The following TSHR variants were observed in gnomAD, a reference collection of about 807,000 sequenced individuals.
The protein encoded by TSHR is thyroid stimulating hormone receptor.
TSHR carries 51 observed loss-of-function variants against 64.1 expected under a neutral mutation model. That is an observed-to-expected ratio of 0.80 (90% CI 0.64 to 1.01). The LOEUF (loss-of-function observed/expected upper bound fraction) is 1.01, where lower values mean the gene tolerates loss of function less well. TSHR is among the 50% of genes least tolerant of loss of function. The pLI, the probability that TSHR is intolerant of heterozygous loss-of-function variation, is 0.00. For missense variants in TSHR, 877 were observed against 942.8 expected (o/e 0.93, Z 0.91); for synonymous variants, 361 against 361.9 (o/e 1.00, Z 0.03).
Position 81,091,151 on chromosome 14 carries a change from T to C in TSHR, c.467+8T>C. ...TGATATATTCTTTATACTGTAAGTATGCACACATGCCATGTTTGACAATAT... is the reference window on the plus strand; with the variant it reads ...TGATATATTCTTTATACTGTAAGTACGCACACATGCCATGTTTGACAATAT... On this transcript the variant is annotated splice_region_variant and intron_variant, in intron 5 of 9. Transcript: ENST00000298171. The C allele has an allele frequency of 6.2e-7, 1 of 1,607,914 alleles. No individual in the cohort carries two copies.
chr14:81,134,921 C>T (rs756765127), intron 8 of TSHR, among the ~76,000 whole-genome samples: 2 of 152,006 alleles, frequency 1.3e-5, no homozygotes, highest in Non-Finnish European at 2.9e-5. Context: ...AAATGTCACA[C>T]CAGGGATAAA....
chr14:81,001,507 C>G (rs1355704570), intron 1 of TSHR: 1 of 518,854 alleles, frequency 1.9e-6, no homozygotes, highest in African/African-American at 2.0e-5. Flanking sequence ...GCATTTCTCT[C>G]AGCATTTATA....
At chr14:80,973,576 C>A (rs1887711340) in intron 1 of TSHR, among the ~76,000 whole-genome samples, 1 of 151,994 alleles carries the variant, frequency 6.6e-6, no homozygotes, top group African/African-American at 2.4e-5. Context: ...GATCTCATGG[C>A]AATCTTAGGC....
At chr14:81,015,871 C>A (rs528904960) in intron 1 of TSHR, among the ~76,000 whole-genome samples, 1 of 152,084 alleles carries the variant, frequency 6.6e-6, no homozygotes, top group Non-Finnish European at 1.5e-5. Context: ...TGAGATCATG[C>A]GGTATTTGTC....
rs1891897080 is a variant in TSHR at position 81,145,582 on chromosome 14, T to C, written c.*1229T>C. ...GCAAATTTTGGCTATTTAGAGTTGC[T>C]ACTTCACTATGAAGAGTCACTTCAA... On this transcript the variant is annotated 3_prime_UTR_variant, in exon 10 of 10. Transcript: ENST00000298171. 1 of 233,154 alleles carries C rather than the reference T, an allele frequency of 4.3e-6. No individual in the cohort carries two copies. Among genetic ancestry groups the C allele is most frequent in the Non-Finnish European group, 8.5e-6 (1 of 117,988 alleles). 14.4% of individuals were successfully genotyped at this position (233,154 alleles called of 1,614,324 possible).
Position 81,087,746 on chromosome 14 carries a change from G to C in TSHR, c.318-208G>C, listed in dbSNP as rs1595083959. On this transcript the variant is annotated intron_variant, in intron 3 of 9. Transcript: ENST00000298171. ...CAGAAACCAAGCCAACAATGCAAAA[G>C]AGCTGAGCAGCCATTGGGTCCCCGT... is the stretch of plus-strand genomic sequence containing the variant. The C allele has an allele frequency of 1.5e-5, 9 of 617,862 alleles. No individual in the cohort carries two copies. In the East Asian group the frequency reaches 2.3e-4, roughly 16 times the overall value. The allele number at this position is 617,862 out of a possible 1,614,324, so 38.3% of individuals were successfully genotyped here. A position where few individuals can be genotyped will look rare whatever the true frequency, so the allele number is the denominator to read the frequency against.
intron 2 of TSHR, among the ~76,000 whole-genome samples, chr14:81,066,356 C>T (rs551988834): frequency 3.3e-5 from 5 of 152,178 alleles, no homozygotes; most frequent in Non-Finnish European, 7.4e-5. Context: ...AGTCTCTACA[C>T]GGTAAATTAA....
chr14:81,129,515 A>G (rs1163462478), intron 8 of TSHR, among the ~76,000 whole-genome samples: 3 of 152,146 alleles, frequency 2.0e-5, no homozygotes, highest in Non-Finnish European at 4.4e-5. Context: ...TTCACCTTAA[A>G]TCATTCACCC....
At chr14:81,065,048 C>T (rs12372891) in intron 2 of TSHR, among the ~76,000 whole-genome samples, 126,923 of 152,010 alleles carry the variant, frequency 0.83, 53,320 homozygotes, top group African/African-American at 0.92. Flanking sequence ...TGAAGGGTGA[C>T]AAAAATAGAA....
chr14:81,125,491 T>C (rs1481095055), intron 8 of TSHR, among the ~76,000 whole-genome samples: 1 of 152,148 alleles, frequency 6.6e-6, no homozygotes, highest in Non-Finnish European at 1.5e-5. Context: ...ACTATATTAT[T>C]GCTGATACCT....
At chr14:80,979,200 A>G (rs1044910298) in intron 1 of TSHR, among the ~76,000 whole-genome samples, 17 of 152,150 alleles carry the variant, frequency 1.1e-4, no homozygotes, top group Admixed American at 5.2e-4. Context: ...GGCCAGACAC[A>G]GAAAGACAAG....
chr14:81,095,016 CA>C (rs1889060167), intron 6 of TSHR, among the ~76,000 whole-genome samples: 1 of 152,068 alleles, frequency 6.6e-6, no homozygotes, highest in Non-Finnish European at 1.5e-5. Context: ...GGTCTAATTC[CA>C]AATTTGAACT....
chr14:81,050,509 A>C (rs907728381), intron 1 of TSHR: 1 of 151,424 alleles, frequency 6.6e-6, no homozygotes, highest in Non-Finnish European at 1.5e-5. Context: ...TCTCATCATC[A>C]ATAAATTGGC....
Position 81,029,209 on chromosome 14 carries a change from A to G in TSHR, c.171-32939A>G, listed in dbSNP as rs114383413. 6.7e-3 allele frequency among the ~76,000 whole-genome samples: 1,027 copies of G among 152,186 alleles called. 5 individuals carry two copies. The highest frequency in any genetic ancestry group is 0.023 in the African/African-American group (957 of 41,542). ...CTTTTCCCATGTAAAATTTACTTCCAAATCTTTGAGAAGGCATTCCTTACT... is the reference window on the plus strand; with the variant it reads ...CTTTTCCCATGTAAAATTTACTTCCGAATCTTTGAGAAGGCATTCCTTACT... On this transcript the variant is annotated intron_variant, in intron 1 of 9. Coordinates refer to ENST00000298171, the MANE Select transcript of TSHR (RefSeq NM_000369.5).
chr14:81,038,706 CA>C (rs1884775751), intron 1 of TSHR, among the ~76,000 whole-genome samples: 1 of 149,188 alleles, frequency 6.7e-6, no homozygotes, highest in South Asian at 2.1e-4. Flanking sequence ...ATGTTGTGCA[CA>C]TGTACCCTAG....
chr14:80,979,656 TAAGAG>T (rs2139718430), intron 1 of TSHR, among the ~76,000 whole-genome samples: 1 of 152,200 alleles, frequency 6.6e-6, no homozygotes, highest in South Asian at 2.1e-4. Flanking sequence ...TAATTAAAAA[TAAGAG>T]AAAACTAAAA....
intron 1 of TSHR, chr14:81,032,962 C>G (rs570832315): frequency 4.8e-5 from 17 of 353,296 alleles, no homozygotes; most frequent in African/African-American, 3.7e-4. Context: ...ATCCCTAGAG[C>G]CAAAAACAAA....
chr14:81,132,174 T>G (rs910911420), intron 8 of TSHR, among the ~76,000 whole-genome samples: 1 of 152,214 alleles, frequency 6.6e-6, no homozygotes, highest in African/African-American at 2.4e-5. Flanking sequence ...ATTTACCAAT[T>G]TACAGATGTA....
At chr14:81,055,521 C>T (rs73351661) in intron 1 of TSHR, among the ~76,000 whole-genome samples, 1 of 152,248 alleles carries the variant, frequency 6.6e-6, no homozygotes, top group South Asian at 2.1e-4. Context: ...CAACACTAGC[C>T]CATGAAAGCA....
Sources: gnomAD v4.1 joint callset for allele counts (sites outside exome capture counted in the v4.1 genomes callset) on GRCh38, gnomAD v4.1.1 for gene constraint, MANE v1.5 for transcripts, NCBI Gene and HGNC (gene_info 2026-07-23, HGNC 2026-07-21) for gene names.